Variants in LRP1B observed in about 807,000 individuals in gnomAD.
LRP1B encodes the protein low-density lipoprotein receptor-related protein 1B.
LRP1B carries 217 observed loss-of-function variants against 556.6 expected under a neutral mutation model. That is an observed-to-expected ratio of 0.39 (90% CI 0.35 to 0.44). LRP1B has a LOEUF of 0.44. Ranked by LOEUF, LRP1B falls within the 20% of genes least tolerant of loss-of-function variation. The pLI is 1.00. For missense variants in LRP1B, 5,053 were observed against 5,620.8 expected (o/e 0.90, Z 3.23); for synonymous variants, 2,047 against 1,865.8 (o/e 1.10, Z -2.50).
chr2:141,963,323 G>T (rs979201724), intron 1 of LRP1B, among the ~76,000 whole-genome samples: 27 of 151,746 alleles, frequency 1.8e-4, no homozygotes, highest in African/African-American at 6.3e-4. Flanking sequence ...TTTTAATATT[G>T]CCTGAGAATA....
At position 140,680,305 on chromosome 2, in the gene LRP1B, T is replaced by C. The variant is rs144747541; in HGVS notation, c.6799+19945A>G. On this transcript the variant is annotated intron_variant, in intron 41 of 90. Transcript: ENST00000389484. ...GTGCACCGGAGAAAAACTTGTGACT[T>C]TGAGTTGGTCTTAAGTTGGCCCAAC... is the stretch of plus-strand genomic sequence containing the variant. Among the ~76,000 whole-genome samples, 412 of 152,202 alleles carry C rather than the reference T, an allele frequency of 2.7e-3. 4 individuals are homozygous for C. The highest frequency in any genetic ancestry group is 9.4e-3 in the African/African-American group (391 of 41,504).
chr2:140,808,555 CTAT>C (rs1307399049), intron 32 of LRP1B, among the ~76,000 whole-genome samples: 1 of 152,094 alleles, frequency 6.6e-6, no homozygotes, highest in African/African-American at 2.4e-5. Flanking sequence ...CCCTGATCTG[CTAT>C]TTTTTCCCTT....
At position 141,037,035 on chromosome 2, in the gene LRP1B, G is replaced by T. The variant is rs540015339; in HGVS notation, c.1789+11951C>A. Among the ~76,000 whole-genome samples, 5 of 151,688 alleles carry T rather than the reference G, an allele frequency of 3.3e-5. No individual in the cohort carries two copies. The South Asian group carries it at 1.0e-3, about 31-fold the overall frequency. ...ACAAGAGAAAAGAGAACCTTTTTTT[G>T]CATCCACCATGAATCTTCCACTTAG... On this transcript the variant is annotated intron_variant, in intron 11 of 90. Transcript: ENST00000389484.
intron 1 of LRP1B, among the ~76,000 whole-genome samples, chr2:141,899,029 G>A (rs1002983354): frequency 1.6e-4 from 24 of 152,040 alleles, no homozygotes; most frequent in Admixed American, 5.9e-4. Flanking sequence ...TCACTAAAAT[G>A]TGTGTTTATG....
chr2:140,617,092 T>G (rs1369914605), intron 41 of LRP1B, among the ~76,000 whole-genome samples: 1 of 151,976 alleles, frequency 6.6e-6, no homozygotes, highest in Non-Finnish European at 1.5e-5. Flanking sequence ...GTCAATAGTA[T>G]TTATTGAGCA....
At chr2:141,545,640 T>C (rs1425023145) in intron 2 of LRP1B, among the ~76,000 whole-genome samples, 1 of 152,040 alleles carries the variant, frequency 6.6e-6, no homozygotes, top group Non-Finnish European at 1.5e-5. Flanking sequence ...AGCCCAGCAG[T>C]TTGAGACAAG....
At chr2:142,104,933 G>C (rs1293333126) in intron 1 of LRP1B, among the ~76,000 whole-genome samples, 1 of 152,078 alleles carries the variant, frequency 6.6e-6, no homozygotes, top group Admixed American at 6.6e-5. Context: ...TGTCTCAAAT[G>C]TCCTAACATG....
chr2:140,762,549 T>G (rs946254645), intron 35 of LRP1B, among the ~76,000 whole-genome samples: 3 of 152,160 alleles, frequency 2.0e-5, no homozygotes, highest in Non-Finnish European at 4.4e-5. Context: ...ATTCCATTTC[T>G]AGGCTTTTTC....
intron 7 of LRP1B, among the ~76,000 whole-genome samples, chr2:141,130,140 A>G (rs1201044402): frequency 1.3e-5 from 2 of 152,050 alleles, no homozygotes; most frequent in African/African-American, 4.8e-5. Context: ...ATTTAAATTT[A>G]TCTACTTTAA....
chr2:141,196,869 T>C (rs1681774299), intron 6 of LRP1B, among the ~76,000 whole-genome samples: 1 of 152,114 alleles, frequency 6.6e-6, no homozygotes, highest in South Asian at 2.1e-4. Flanking sequence ...ATTCCCTGTT[T>C]TCTGCCAAAG....
chr2:140,510,572 C>T lies in LRP1B; in HGVS notation c.8270-516G>A, dbSNP rs114083417. Among the ~76,000 whole-genome samples, 732 of 152,252 alleles carry T rather than the reference C, an allele frequency of 4.8e-3. 5 individuals are homozygous for T. The highest frequency in any genetic ancestry group is 0.016 in the African/African-American group (665 of 41,560). On this transcript the variant is annotated intron_variant, in intron 51 of 90. Coordinates refer to ENST00000389484, the MANE Select transcript of LRP1B (RefSeq NM_018557.3). ...AGCTTGCAGAAAGTCACAAGTTGCA[C>T]GCAATTTTGCATGCTCAACTGGGAG...
At chr2:141,808,136 C>T (rs1696222200) in intron 2 of LRP1B, among the ~76,000 whole-genome samples, 1 of 152,048 alleles carries the variant, frequency 6.6e-6, no homozygotes, top group Admixed American at 6.6e-5. Context: ...AAGGAGACTC[C>T]AACCTAGATG....
intron 1 of LRP1B, among the ~76,000 whole-genome samples, chr2:141,923,934 T>C (rs1186291368): frequency 6.6e-6 from 1 of 151,996 alleles, no homozygotes; most frequent in Non-Finnish European, 1.5e-5. Flanking sequence ...TCTAGATTGC[T>C]AAAAAGCTTG....
intron 3 of LRP1B, among the ~76,000 whole-genome samples, chr2:141,356,064 G>C (rs575246832): frequency 6.6e-6 from 1 of 152,250 alleles, no homozygotes; most frequent in African/African-American, 2.4e-5. Context: ...TATAACCTGA[G>C]TATTGCTCAT....
chr2:142,112,056 C>G (rs932691864), intron 1 of LRP1B, among the ~76,000 whole-genome samples: 1 of 151,960 alleles, frequency 6.6e-6, no homozygotes, highest in Admixed American at 6.6e-5. Context: ...CATCAAGGTG[C>G]CTTTCCATCT....
intron 1 of LRP1B, among the ~76,000 whole-genome samples, chr2:141,996,630 C>T (rs544572020): frequency 3.2e-4 from 49 of 152,062 alleles, no homozygotes; most frequent in Non-Finnish European, 6.5e-4. Context: ...TATGACATAG[C>T]AGTTCTCAAT....
chr2:141,841,140 C>T (rs1435597), intron 1 of LRP1B, among the ~76,000 whole-genome samples: 84,310 of 151,940 alleles, frequency 0.55, 23,817 homozygotes, highest in African/African-American at 0.65. Flanking sequence ...TTTTAATCTT[C>T]AAAATAGTTC....
chr2:142,034,248 G>A (rs915758191), intron 1 of LRP1B, among the ~76,000 whole-genome samples: 1 of 151,698 alleles, frequency 6.6e-6, no homozygotes, highest in African/African-American at 2.4e-5. Context: ...TTTATAAAGA[G>A]TATAATATGA....
chr2:141,515,086 T>C (rs905081674), intron 2 of LRP1B, among the ~76,000 whole-genome samples: 5 of 152,254 alleles, frequency 3.3e-5, no homozygotes, highest in African/African-American at 9.6e-5. Context: ...GCAGATCACC[T>C]GAGGTCAGGA....
Sources: allele counts gnomAD v4.1 joint callset (sites outside exome capture counted in the v4.1 genomes callset), GRCh38; gene constraint gnomAD v4.1.1; transcripts MANE v1.5; gene names NCBI Gene and HGNC (gene_info 2026-07-23, HGNC 2026-07-21).